Variants in CDC42BPA observed in about 807,000 individuals in gnomAD.
The protein encoded by CDC42BPA is serine/threonine-protein kinase MRCK alpha.
Under a neutral mutation model 223.5 loss-of-function variants are expected in CDC42BPA, and 80 were observed. That is an observed-to-expected ratio of 0.36 (90% CI 0.30 to 0.43). CDC42BPA has a LOEUF of 0.43. CDC42BPA is among the 20% of genes least tolerant of loss of function. The pLI, the probability that CDC42BPA is intolerant of heterozygous loss-of-function variation, is 1.00. For synonymous variants in CDC42BPA, 694 were observed against 718.6 expected, an observed-to-expected ratio of 0.97 and a Z score of 0.55; for missense variants, 1,743 against 2,099.9, an observed-to-expected ratio of 0.83 and a Z score of 3.32.
intron 1 of CDC42BPA, among the ~76,000 whole-genome samples, chr1:227,271,742 C>A (rs570468262): frequency 7.5e-4 from 114 of 152,086 alleles, no homozygotes; most frequent in Non-Finnish European, 1.3e-3. Context: ...GTATTTAACT[C>A]TTTACTGAGC....
At chr1:227,155,791 A>G (rs910555681) in intron 6 of CDC42BPA, among the ~76,000 whole-genome samples, 2 of 152,250 alleles carry the variant, frequency 1.3e-5, no homozygotes, top group Non-Finnish European at 1.5e-5. Context: ...TTGTATTGTC[A>G]TAATAAAATA....
intron 2 of CDC42BPA, among the ~76,000 whole-genome samples, chr1:227,251,931 A>G (rs1682083560): frequency 6.6e-6 from 1 of 152,112 alleles, no homozygotes; most frequent in Non-Finnish European, 1.5e-5. Context: ...AATTTTTTTA[A>G]TGAACTTTAA....
chr1:226,994,238 G>C lies in CDC42BPA; in HGVS notation c.*30C>G. On this transcript the variant is annotated 3_prime_UTR_variant, in exon 37 of 37. Coordinates refer to ENST00000366766, the MANE Select transcript of CDC42BPA (RefSeq NM_001394014.1). The surrounding 1 kb of genome is among the most constrained non-coding windows in gnomAD (Gnocchi z 4.0). ...GAGAGGAGGCGAGTGGCAGGGAGCG[G>C]AGAGCGAGAGGTCCCAGTGCTGAGG... The C allele has an allele frequency of 1.9e-6, 3 of 1,551,798 alleles. No individual in the cohort carries two copies. The highest frequency in any genetic ancestry group is 1.7e-6 in the Non-Finnish European group (2 of 1,146,380).
intron 16 of CDC42BPA, among the ~76,000 whole-genome samples, chr1:227,090,308 A>G (rs1473665653): frequency 6.6e-6 from 1 of 152,192 alleles, no homozygotes; most frequent in African/African-American, 2.4e-5. Context: ...ATCATGGGGA[A>G]AATAGTGAGA....
chr1:227,169,152 T>A (rs1665669529), intron 5 of CDC42BPA, among the ~76,000 whole-genome samples: 1 of 152,194 alleles, frequency 6.6e-6, no homozygotes, highest in Admixed American at 6.5e-5. Flanking sequence ...TGAGATTTCC[T>A]ATTTTTTCAT....
intron 14 of CDC42BPA, among the ~76,000 whole-genome samples, chr1:227,108,043 T>C (rs1572855595): frequency 7.3e-6 from 1 of 136,264 alleles, no homozygotes; most frequent in Non-Finnish European, 1.7e-5. Context: ...TCTAACCAAC[T>C]AACTTTTTGT....
chr1:227,115,818 A>T (rs533128436), intron 12 of CDC42BPA, among the ~76,000 whole-genome samples: 58 of 152,176 alleles, frequency 3.8e-4, no homozygotes, highest in African/African-American at 1.4e-3. Context: ...CAGGAATGCA[A>T]TTCAACTCTT....
chr1:227,291,083 T>C (rs921573600), intron 1 of CDC42BPA, among the ~76,000 whole-genome samples: 1 of 152,016 alleles, frequency 6.6e-6, no homozygotes, highest in Non-Finnish European at 1.5e-5. Context: ...ATTATATTGG[T>C]TCAGGAATAG....
At chr1:227,092,653 A>C (rs1006226542) in intron 15 of CDC42BPA, among the ~76,000 whole-genome samples, 7 of 152,214 alleles carry the variant, frequency 4.6e-5, no homozygotes, top group African/African-American at 1.4e-4. Flanking sequence ...TAGTATTCCA[A>C]ACATTTTGTT....
At chr1:227,237,736 G>C (rs1048745441) in intron 2 of CDC42BPA, among the ~76,000 whole-genome samples, 1 of 152,070 alleles carries the variant, frequency 6.6e-6, no homozygotes, top group Non-Finnish European at 1.5e-5. Context: ...GTTGTCTCAG[G>C]ACCATTTATT....
rs1460082542 is a variant in CDC42BPA at position 227,000,790 on chromosome 1, G to A, written c.4975+4204C>T. ...TCAGGAATTTTTCTTTTCAAAGAAA[G>A]GTTACATTCAAACACTACAACCTTT... is the stretch of plus-strand genomic sequence containing the variant. On this transcript the variant is annotated intron_variant, in intron 35 of 36. Transcript: ENST00000366766. 2.0e-5 allele frequency among the ~76,000 whole-genome samples: 3 copies of A among 150,972 alleles called. No homozygotes were observed. The South Asian group carries it at 6.3e-4, about 32-fold the overall frequency.
At chr1:226,997,963 G>A (rs900205670) in intron 35 of CDC42BPA, among the ~76,000 whole-genome samples, 8 of 152,006 alleles carry the variant, frequency 5.3e-5, no homozygotes, top group Non-Finnish European at 1.0e-4. Context: ...TATTAGGTCC[G>A]CTTGAACCAG....
intron 30 of CDC42BPA, among the ~76,000 whole-genome samples, chr1:227,028,384 A>C (rs1668660808): frequency 6.6e-6 from 1 of 152,236 alleles, no homozygotes; most frequent in South Asian, 2.1e-4. Context: ...GGTTATTTCA[A>C]AATATGATGT....
At chr1:226,998,930 A>ATATTT (rs1572148735) in intron 35 of CDC42BPA, among the ~76,000 whole-genome samples, 1 of 152,320 alleles carries the variant, frequency 6.6e-6, no homozygotes, top group East Asian at 1.9e-4. Flanking sequence ...ATCTACAAGG[A>ATATTT]ACTTAAACAA....
chr1:227,189,998 A>T (rs7543579), intron 5 of CDC42BPA, among the ~76,000 whole-genome samples: 55,052 of 152,036 alleles, frequency 0.36, 10,134 homozygotes, highest in Middle Eastern at 0.39. Context: ...ACCAAGATAC[A>T]AAGTCTGTGA....
chr1:227,002,032 T>A (rs1181968149), intron 35 of CDC42BPA, among the ~76,000 whole-genome samples: 7 of 152,262 alleles, frequency 4.6e-5, no homozygotes, highest in African/African-American at 9.6e-5. Context: ...CTACATTTAT[T>A]CCTATATTTA....
At chr1:227,200,697 C>T (rs1671608690) in intron 3 of CDC42BPA, among the ~76,000 whole-genome samples, 1 of 151,968 alleles carries the variant, frequency 6.6e-6, no homozygotes. Flanking sequence ...TACAAATGTG[C>T]AAGAGTTTCT....
At position 226,994,188 on chromosome 1, in the gene CDC42BPA, C is replaced by A; in HGVS notation, c.*80G>T. On this transcript the variant is annotated 3_prime_UTR_variant, in exon 37 of 37. Transcript: ENST00000366766. The surrounding 1 kb of genome is among the most constrained non-coding windows in gnomAD (Gnocchi z 4.0). ...CCTGGTGGCTTTCAGGCCGAGCAGG[C>A]GAGGTGGAGGGAAGAGATGAAAGTG... The A allele has an allele frequency of 7.0e-7, 1 of 1,425,746 alleles. No homozygotes were observed. 88.3% of individuals were successfully genotyped at this position (1,425,746 alleles called of 1,614,324 possible).
chr1:227,183,794 G>T (rs573426251), intron 5 of CDC42BPA, among the ~76,000 whole-genome samples: 2 of 152,288 alleles, frequency 1.3e-5, no homozygotes, highest in South Asian at 4.1e-4. Context: ...AAGTAGCTGT[G>T]CCATTTTCTA....
Sources: allele counts gnomAD v4.1 joint callset (sites outside exome capture counted in the v4.1 genomes callset), GRCh38; gene constraint gnomAD v4.1.1; non-coding constraint Gnocchi (gnomAD v3.1); transcripts MANE v1.5; gene names NCBI Gene and HGNC (gene_info 2026-07-23, HGNC 2026-07-21).